The following ZNF236 variants were observed in gnomAD, a reference collection of about 807,000 sequenced individuals.
The protein encoded by ZNF236 is regulated by glucose.
ZNF236 carries 50 observed loss-of-function variants against 191.2 expected under a neutral mutation model. The ratio of observed to expected loss-of-function variants is 0.26; its 90% CI spans 0.21 to 0.33. The LOEUF (loss-of-function observed/expected upper bound fraction) is 0.33, where lower values mean the gene tolerates loss of function less well. Ranked by LOEUF, ZNF236 falls within the 10% of genes least tolerant of loss-of-function variation. The probability of loss-of-function intolerance (pLI) is 1.00; values close to 1 mark genes in which losing one functional copy is unlikely to be tolerated. For synonymous variants in ZNF236, 907 were observed against 928.8 expected (o/e 0.98, Z 0.43); for missense variants, 1,754 against 2,374.5 (o/e 0.74, Z 5.43).
At chr18:76,843,851 A>G (rs1975594106) in intron 1 of ZNF236, among the ~76,000 whole-genome samples, 1 of 148,952 alleles carries the variant, frequency 6.7e-6, no homozygotes, top group Admixed American at 6.7e-5. Context: ...TAATCCCAGC[A>G]CAGGGAAGAA....
At chr18:76,823,309 T>C (rs960119263) in intron 1 of ZNF236, among the ~76,000 whole-genome samples, 1 of 146,966 alleles carries the variant, frequency 6.8e-6, no homozygotes, top group Non-Finnish European at 1.5e-5. Flanking sequence ...GTAGGCGCCA[T>C]TGTGATCCGG....
At chr18:76,963,072 T>C (rs1042598646) in intron 30 of ZNF236, among the ~76,000 whole-genome samples, 5 of 152,216 alleles carry the variant, frequency 3.3e-5, no homozygotes, top group Non-Finnish European at 7.3e-5. Flanking sequence ...TTGATTTTCT[T>C]CTCTTTTCTG....
intron 26 of ZNF236, among the ~76,000 whole-genome samples, chr18:76,941,509 C>T (rs1266162440): frequency 6.6e-6 from 1 of 152,206 alleles, no homozygotes; most frequent in Non-Finnish European, 1.5e-5. Context: ...ACCCACTGCA[C>T]AGGTGGCTCC....
At chr18:76,937,789 T>A (rs1265618958) in intron 26 of ZNF236, among the ~76,000 whole-genome samples, 1 of 152,210 alleles carries the variant, frequency 6.6e-6, no homozygotes, top group African/African-American at 2.4e-5. Flanking sequence ...GATTCTTAGA[T>A]GAATTCCTAC....
Position 76,871,764 on chromosome 18 carries a change from G to C in ZNF236, c.606G>C (p.Pro202=), listed in dbSNP as rs1370109012. 2 of 1,614,150 alleles carry C rather than the reference G, an allele frequency of 1.2e-6. No homozygotes were observed. Among genetic ancestry groups the C allele is most frequent in the Admixed American group, 1.7e-5 (1 of 60,014 alleles). The change falls in exon 5 of 31, where the codon CCG becomes CCC. Residue 202 remains proline, a synonymous_variant. Transcript: ENST00000320610. ...IDRSGFTYSC[P]HCGKTFQKPS... Reference sequence around the variant, plus strand: ...GAAGTGGATTCACGTATTCGTGTCCGCACTGTGGAAAGACGTTTCAAAAGC... The same window carrying C: ...GAAGTGGATTCACGTATTCGTGTCCCCACTGTGGAAAGACGTTTCAAAAGC...
chr18:76,910,903 A>T, intron 16 of ZNF236, 92 bp downstream of exon 16: 1 of 1,429,118 alleles, frequency 7.0e-7, no homozygotes, highest in Non-Finnish European at 9.5e-7. Flanking sequence ...CTTAAGGGAA[A>T]TTTTAAGAGG....
Position 76,894,974 on chromosome 18 carries a change from G to T in ZNF236, c.1418-39G>T, listed in dbSNP as rs374183666. The T allele has an allele frequency of 2.3e-5, 36 of 1,597,246 alleles. 1 individual carries two copies. In the East Asian group the frequency reaches 7.8e-4, roughly 35 times the overall value. ...GGTCCTGGACCTGACCCTAGGCGGG[G>T]TGTCCAGGCCAAGCGGGACGTGTCC... On this transcript the variant is annotated intron_variant, in intron 9 of 30. Transcript: ENST00000320610.
At chr18:76,892,846 C>T (rs969434492) in intron 9 of ZNF236, among the ~76,000 whole-genome samples, 6 of 152,216 alleles carry the variant, frequency 3.9e-5, no homozygotes, top group East Asian at 1.9e-4. Flanking sequence ...GGATTACAGG[C>T]GTGAGCCACC....
At chr18:76,881,231 G>C (rs983320545) in intron 8 of ZNF236, 53 bp from the exon 9 acceptor site, 2 of 1,491,324 alleles carry the variant, frequency 1.3e-6, no homozygotes, top group Non-Finnish European at 1.8e-6. Context: ...GATTTTGGTA[G>C]GCAGAGTTGG....
intron 11 of ZNF236, among the ~76,000 whole-genome samples, chr18:76,903,103 T>G (rs1452010318): frequency 6.6e-6 from 1 of 152,116 alleles, no homozygotes; most frequent in Non-Finnish European, 1.5e-5. Flanking sequence ...TTTTGAAAAA[T>G]AAGGTTCTGA....
At chr18:76,884,712 T>C (rs1976999104) in intron 9 of ZNF236, among the ~76,000 whole-genome samples, 2 of 152,304 alleles carry the variant, frequency 1.3e-5, no homozygotes, top group South Asian at 2.1e-4. Context: ...CAGGATGGTG[T>C]GGCTCTTAGA....
At chr18:76,830,027 C>T (rs564020506) in intron 1 of ZNF236, among the ~76,000 whole-genome samples, 35 of 152,238 alleles carry the variant, frequency 2.3e-4, no homozygotes, top group East Asian at 7.7e-4. Context: ...CGCGCCACCA[C>T]GCCTGGCTAA....
At chr18:76,835,929 A>AT (rs1249449609) in intron 1 of ZNF236, among the ~76,000 whole-genome samples, 1 of 150,314 alleles carries the variant, frequency 6.7e-6, no homozygotes, top group Non-Finnish European at 1.5e-5. Flanking sequence ...TTTTTTTGAG[A>AT]TTAAGTCTTG....
Position 76,919,641 on chromosome 18 carries a change from C to T in ZNF236, c.3275-135C>T. On this transcript the variant is annotated intron_variant, in intron 19 of 30. Transcript: ENST00000320610. The surrounding 1 kb of genome is among the most constrained non-coding windows in gnomAD (Gnocchi z 5.3). The stretch of plus-strand genomic sequence containing the variant: ...ATAGAGGTGGGAAAATATAGCAACT[C>T]TCTACCATCATAAAAATAGCTTGGT... 1 of 1,094,938 alleles carries T rather than the reference C, an allele frequency of 9.1e-7. No homozygotes were observed. Among genetic ancestry groups the T allele is most frequent in the Admixed American group, 2.5e-5 (1 of 39,894 alleles). The allele number at this position is 1,094,938 out of a possible 1,614,324, so 67.8% of individuals were successfully genotyped here.
intron 11 of ZNF236, among the ~76,000 whole-genome samples, chr18:76,903,593 G>T (rs1047896891): frequency 1.3e-5 from 2 of 152,178 alleles, no homozygotes; most frequent in African/African-American, 2.4e-5. Flanking sequence ...ATGCCTCCTT[G>T]TCTTGGCAGG....
chr18:76,852,992 A>G (rs1191156190), intron 3 of ZNF236, among the ~76,000 whole-genome samples: 2 of 152,164 alleles, frequency 1.3e-5, no homozygotes, highest in African/African-American at 4.8e-5. Flanking sequence ...CCAATTCACC[A>G]TGGGTTTATC....
chr18:76,844,914 A>C (rs1975628776), intron 1 of ZNF236, among the ~76,000 whole-genome samples: 6 of 152,236 alleles, frequency 3.9e-5, no homozygotes, highest in Admixed American at 2.0e-4. Flanking sequence ...GAATACAGTC[A>C]TGGAATAGCA....
chr18:76,879,608 T>C (rs559998082), intron 7 of ZNF236, among the ~76,000 whole-genome samples: 1 of 152,290 alleles, frequency 6.6e-6, no homozygotes, highest in East Asian at 1.9e-4. Flanking sequence ...TCCCGAGCCC[T>C]GCAGGGGTGG....
chr18:76,823,609 A>G (rs1974929903), intron 1 of ZNF236, among the ~76,000 whole-genome samples: 2 of 152,210 alleles, frequency 1.3e-5, no homozygotes, highest in Admixed American at 6.5e-5. Context: ...TAAAGTCATG[A>G]AATAACTCAG....
Sources: allele counts gnomAD v4.1 joint callset (sites outside exome capture counted in the v4.1 genomes callset), GRCh38; gene constraint gnomAD v4.1.1; non-coding constraint Gnocchi (gnomAD v3.1); transcripts MANE v1.5; gene names NCBI Gene and HGNC (gene_info 2026-07-23, HGNC 2026-07-21).